Variants in CSPP1 observed in about 807,000 individuals in gnomAD.
The protein encoded by CSPP1 is centrosome and spindle pole associated protein 1, also known as centrosome and spindle pole-associated protein 1.
CSPP1 carries 126 observed loss-of-function variants against 164.4 expected under a neutral mutation model. That is an observed-to-expected ratio of 0.77 (90% CI 0.66 to 0.89). The LOEUF (loss-of-function observed/expected upper bound fraction) is 0.89, where lower values mean the gene tolerates loss of function less well. Among genes scored for constraint, CSPP1 ranks in the 40% least tolerant of loss-of-function variants. The pLI, the probability that CSPP1 is intolerant of heterozygous loss-of-function variation, is 0.00. For missense variants in CSPP1, 1,395 were observed against 1,449.8 expected, an observed-to-expected ratio of 0.96 and a Z score of 0.61; for synonymous variants, 472 against 476.7, an observed-to-expected ratio of 0.99 and a Z score of 0.13.
In CSPP1 at chr8:67,113,823, C is replaced by T; in HGVS notation, c.1206C>T (p.Leu402=). The change falls in exon 11 of 31, where the codon CTC becomes CTT. Residue 402 remains leucine, a synonymous_variant. Transcript: ENST00000678616. ...RNKRREKDLE[L]RVAASGAQDP... ...TGTTTAGAGAAAAAGATTTAGAACT[C>T]AGGGTTGCAGCGTCTGGAGCACAAG... 6.3e-7 allele frequency: 1 copy of T among 1,579,396 alleles called. No individual in the cohort carries two copies. The highest frequency in any genetic ancestry group is 8.6e-7 in the Non-Finnish European group (1 of 1,157,346).
At chr8:67,090,608 A>G (rs1427969504) in intron 4 of CSPP1, among the ~76,000 whole-genome samples, 1 of 152,234 alleles carries the variant, frequency 6.6e-6, no homozygotes, top group Admixed American at 6.5e-5. Flanking sequence ...TTTATTAATC[A>G]CTTAGTTTTG....
intron 16 of CSPP1, 32 bp from the exon 17 acceptor site, chr8:67,137,424 C>G (rs755021349): frequency 7.4e-7 from 1 of 1,346,428 alleles, no homozygotes; most frequent in Non-Finnish European, 9.9e-7. Context: ...TACTTGTCAG[C>G]GTTTATTTTA....
Position 67,195,454 on chromosome 8 carries a change from C to G in CSPP1, c.3542C>G (p.Ala1181Gly). The change falls in exon 31 of 31, where the codon GCA (alanine) becomes GGA (glycine). Residue 1181 changes from alanine (A) to glycine (G), a missense_variant. By Grantham distance (60) the Ala-to-Gly change is moderately conservative (BLOSUM62 0). Coordinates refer to ENST00000678616, the MANE Select transcript of CSPP1 (RefSeq NM_001382391.1). ...GGGGATGACGGATCAAACTCTGTAG[C>G]AACTGAGCCCTGGCTCCGCCCTGGC... The part of the protein sequence containing the change: ...HIGDDGSNSV[A>G]TEPWLRPGTS... The G allele has an allele frequency of 1.2e-6, 2 of 1,614,166 alleles. No individual in the cohort carries two copies. The highest frequency in any genetic ancestry group is 1.7e-6 in the Non-Finnish European group (2 of 1,180,004).
chr8:67,069,102 C>T (rs536258267), intron 1 of CSPP1: 2 of 152,352 alleles, frequency 1.3e-5, no homozygotes, highest in African/African-American at 4.8e-5. Context: ...CCTCTTACCA[C>T]GATACCACAG....
intron 15 of CSPP1, among the ~76,000 whole-genome samples, chr8:67,131,396 C>CA (rs1223405891): frequency 2.0e-5 from 3 of 151,806 alleles, no homozygotes; most frequent in Non-Finnish European, 4.4e-5. Flanking sequence ...CAAAAAAAAC[C>CA]AAAAAAACAG....
At chr8:67,150,122 A>T (rs1213331665) in intron 18 of CSPP1, among the ~76,000 whole-genome samples, 187 bp downstream of exon 18, 1 of 152,122 alleles carries the variant, frequency 6.6e-6, no homozygotes, top group African/African-American at 2.4e-5. Context: ...GTGAATAGGG[A>T]AAGGTTACTT....
At position 67,164,784 on chromosome 8, in the gene CSPP1, A is replaced by G. The variant is rs535019880; in HGVS notation, c.2828+276A>G. On this transcript the variant is annotated intron_variant, in intron 24 of 30. Coordinates refer to ENST00000678616, the MANE Select transcript of CSPP1 (RefSeq NM_001382391.1). ...CATTAATAACGTAGCTTTCTGAAATACTTTTTTTCAACAAAATCACGTACG... is the reference window on the plus strand; with the variant it reads ...CATTAATAACGTAGCTTTCTGAAATGCTTTTTTTCAACAAAATCACGTACG... Among the ~76,000 whole-genome samples, 3 of 152,350 alleles carry G rather than the reference A, an allele frequency of 2.0e-5. No homozygotes were observed. The East Asian group carries it at 5.8e-4, about 29-fold the overall frequency.
chr8:67,151,408 G>A (rs1825660031), intron 18 of CSPP1, among the ~76,000 whole-genome samples: 1 of 152,114 alleles, frequency 6.6e-6, no homozygotes, highest in Non-Finnish European at 1.5e-5. Context: ...GCTGCTTCTA[G>A]TAGTCTGTAT....
intron 18 of CSPP1, among the ~76,000 whole-genome samples, chr8:67,152,394 CTTTTA>C (rs1018131354): frequency 9.9e-5 from 15 of 151,972 alleles, no homozygotes; most frequent in East Asian, 3.9e-4. Flanking sequence ...ATTATTTTTT[CTTTTA>C]TTTTATGGTT....
chr8:67,076,467 TTA>T lies in CSPP1; in HGVS notation c.100-13_100-12del, dbSNP rs1242667144. ...TTTTTTCCTCTTGCTTTTGTAAACA[TTA>T]TGTCTCTTTCAGGGAAAGTTGTCAG... On this transcript the variant is annotated splice_polypyrimidine_tract_variant and intron_variant, in intron 2 of 30. Transcript: ENST00000678616. 2 of 1,474,728 alleles carry T rather than the reference TTA, an allele frequency of 1.4e-6. No homozygotes were observed. The highest frequency in any genetic ancestry group is 2.9e-5 in the African/African-American group (2 of 69,840). The allele number at this position is 1,474,728 out of a possible 1,614,324, so 91.4% of individuals were successfully genotyped here.
intron 3 of CSPP1, chr8:67,084,166 C>T (rs1809899478): frequency 6.6e-6 from 1 of 152,128 alleles, no homozygotes; most frequent in African/African-American, 2.4e-5. Context: ...GGAAACAGTT[C>T]CTTTCTAGGA....
At chr8:67,083,348 A>T (rs1182832144) in intron 3 of CSPP1, among the ~76,000 whole-genome samples, 1 of 151,416 alleles carries the variant, frequency 6.6e-6, no homozygotes, top group African/African-American at 2.4e-5. Flanking sequence ...CCTGGCCAAT[A>T]TGGTGAAACC....
At chr8:67,075,905 T>C (rs1807811123) in intron 2 of CSPP1, among the ~76,000 whole-genome samples, 2 of 152,192 alleles carry the variant, frequency 1.3e-5, no homozygotes, top group African/African-American at 4.8e-5. Flanking sequence ...TCTCCAGTAG[T>C]TAGGACCAGC....
chr8:67,108,869 G>A (rs1216318509), intron 9 of CSPP1, among the ~76,000 whole-genome samples: 1 of 152,162 alleles, frequency 6.6e-6, no homozygotes, highest in Non-Finnish European at 1.5e-5. Context: ...GGGATACTGG[G>A]TCCAAGCTGA....
At chr8:67,181,526 C>T (rs1833040786) in intron 28 of CSPP1, among the ~76,000 whole-genome samples, 1 of 151,912 alleles carries the variant, frequency 6.6e-6, no homozygotes, top group African/African-American at 2.4e-5. Context: ...TATTGCATGA[C>T]ACTAGAGCAA....
intron 2 of CSPP1, among the ~76,000 whole-genome samples, 190 bp from the exon 3 acceptor site, chr8:67,076,292 A>G (rs1260271968): frequency 1.3e-5 from 2 of 152,202 alleles, no homozygotes; most frequent in Admixed American, 6.5e-5. Context: ...TGGTAAGTGA[A>G]TGAGTTAAAT....
rs1814503403 is a variant in CSPP1 at position 67,103,126 on chromosome 8, A to T, written c.1013A>T (p.Glu338Val). 1 of 1,575,096 alleles carries T rather than the reference A, an allele frequency of 6.3e-7. No homozygotes were observed. The highest frequency in any genetic ancestry group is 8.7e-7 in the Non-Finnish European group (1 of 1,144,784). The change falls in exon 8 of 31, where the codon GAA becomes GTA. Residue 338 changes from glutamate to valine, a missense_variant. Coordinates refer to ENST00000678616, the MANE Select transcript of CSPP1 (RefSeq NM_001382391.1). ...TCAAACATAAGAATTTCATCTGCTG[A>T]AAATAAAAGGTACAGTATGTAATAT... Reference protein sequence around the residue: ...EQSNIRISSAENKSAPDNETS... With the variant: ...EQSNIRISSAVNKSAPDNETS...
chr8:67,066,915 C>T (rs1291343632), intron 1 of CSPP1, among the ~76,000 whole-genome samples: 1 of 152,010 alleles, frequency 6.6e-6, no homozygotes, highest in Admixed American at 6.6e-5. Flanking sequence ...CCTGCTACAC[C>T]CAGCTAATTT....
At chr8:67,116,809 A>C (rs186834242) in intron 13 of CSPP1, among the ~76,000 whole-genome samples, 3 of 152,200 alleles carry the variant, frequency 2.0e-5, no homozygotes, top group Admixed American at 6.5e-5. Context: ...AAATATATTT[A>C]AATTTAGAGG....
Sources: allele counts gnomAD v4.1 joint callset (sites outside exome capture counted in the v4.1 genomes callset), GRCh38; gene constraint gnomAD v4.1.1; transcripts MANE v1.5; gene names NCBI Gene and HGNC (gene_info 2026-07-23, HGNC 2026-07-21).